POLQ: variants seen among roughly 807,000 people sequenced by gnomAD.
The protein encoded by POLQ is DNA polymerase theta.
POLQ carries 233 observed loss-of-function variants against 259.2 expected under a neutral mutation model. That is an observed-to-expected ratio of 0.90 (90% CI 0.81 to 1.00). The LOEUF is 1.00. Ranked by LOEUF, POLQ falls within the 50% of genes least tolerant of loss-of-function variation. The pLI, the probability that POLQ is intolerant of heterozygous loss-of-function variation, is 0.00. For missense variants in POLQ, 2,871 were observed against 3,051.6 expected (o/e 0.94, Z 1.39); for synonymous variants, 1,025 against 1,048.8 (o/e 0.98, Z 0.44).
At chr3:121,449,145 A>G (rs1340044268) in intron 26 of POLQ, among the ~76,000 whole-genome samples, 170 bp downstream of exon 26, 1 of 152,240 alleles carries the variant, frequency 6.6e-6, no homozygotes, top group Non-Finnish European at 1.5e-5. Context: ...ATGAAATAAG[A>G]TTATTACATC....
intron 5 of POLQ, among the ~76,000 whole-genome samples, chr3:121,535,273 A>C (rs1031067240): frequency 2.0e-5 from 3 of 152,328 alleles, no homozygotes; most frequent in Non-Finnish European, 4.4e-5. Context: ...GTGCCTAAAA[A>C]TTCCCAGACA....
rs1017395608 is a variant in POLQ, at chr3:121,539,571, C to T, written c.493G>A (p.Gly165Arg). 3 of 1,612,594 alleles carry T rather than the reference C, an allele frequency of 1.9e-6. No homozygotes were observed. In the African/African-American group the frequency reaches 4.0e-5, roughly 22 times the overall value. Residue 165 changes from glycine to arginine, a missense_variant, in exon 4 of 30, where the codon GGA (glycine) becomes AGA (arginine). By Grantham distance (125) the Gly-to-Arg change is moderately radical. This residue lies in a region of POLQ where 783 missense variants were observed against 906.2 expected (regional missense o/e 0.86). Transcript: ENST00000264233. Reference sequence around the variant, plus strand: ...CCCATATAACCGTCTACTTTTATTCCTACTTCCTGAAACAGACTCTGAATT... The same window carrying T: ...CCCATATAACCGTCTACTTTTATTCTTACTTCCTGAAACAGACTCTGAATT... ...YYLQSLFQEV[G>R]IKVDGYMGST...
At chr3:121,447,573 A>G (rs771057495) in intron 26 of POLQ, among the ~76,000 whole-genome samples, 5 of 152,290 alleles carry the variant, frequency 3.3e-5, no homozygotes, top group Admixed American at 1.3e-4. Flanking sequence ...ATTTAAGATA[A>G]TAGTTTATAT....
At chr3:121,436,707 T>C (rs2047547010) in intron 27 of POLQ, among the ~76,000 whole-genome samples, 1 of 152,066 alleles carries the variant, frequency 6.6e-6, no homozygotes, top group Admixed American at 6.6e-5. Flanking sequence ...TCTATACCAA[T>C]GGCCTCTTGG....
chr3:121,523,645 G>A (rs2048353571), intron 7 of POLQ, among the ~76,000 whole-genome samples: 1 of 152,084 alleles, frequency 6.6e-6, no homozygotes, highest in South Asian at 2.1e-4. Flanking sequence ...AGCCCATGAG[G>A]TAGAGATTAC....
At position 121,467,972 on chromosome 3, in the gene POLQ, G is replaced by A. The variant is rs576726808; in HGVS notation, c.6846-332C>T. Among the ~76,000 whole-genome samples the A allele has an allele frequency of 5.9e-5, 9 of 152,294 alleles. No homozygotes were observed. In the South Asian group the frequency reaches 1.9e-3, roughly 32 times the overall value. On this transcript the variant is annotated intron_variant, in intron 23 of 29. Transcript: ENST00000264233. Reference sequence around the variant, plus strand: ...TGCTCGAGCCCAGGAGGTGGAGGTTGCAGTAAGCTGAGATCGCACCACTGC... The same window carrying A: ...TGCTCGAGCCCAGGAGGTGGAGGTTACAGTAAGCTGAGATCGCACCACTGC...
intron 13 of POLQ, among the ~76,000 whole-genome samples, chr3:121,497,355 T>C (rs1560100267): frequency 6.6e-6 from 1 of 152,192 alleles, no homozygotes; most frequent in Non-Finnish European, 1.5e-5. Flanking sequence ...TCCAAGTATA[T>C]AAATCCAAGT....
chr3:121,473,182 C>T (rs2047899252), intron 21 of POLQ, among the ~76,000 whole-genome samples, 168 bp downstream of exon 21: 1 of 152,252 alleles, frequency 6.6e-6, no homozygotes, highest in Non-Finnish European at 1.5e-5. Flanking sequence ...GCTGGAATAT[C>T]TCCACAGAAT....
chr3:121,482,439 G>A (rs1341783747), intron 18 of POLQ, among the ~76,000 whole-genome samples: 1 of 151,300 alleles, frequency 6.6e-6, no homozygotes, highest in African/African-American at 2.4e-5. Flanking sequence ...AGAATCGCTT[G>A]AACCTGGGAG....
At position 121,488,508 on chromosome 3, in the gene POLQ, A is replaced by C; in HGVS notation, c.4423T>G (p.Cys1475Gly). 1 of 1,609,662 alleles carries C rather than the reference A, an allele frequency of 6.2e-7. No individual in the cohort carries two copies. Among genetic ancestry groups the C allele is most frequent in the Non-Finnish European group, 8.5e-7 (1 of 1,178,398 alleles). Residue 1475 changes from cysteine (C) to glycine (G), a missense_variant, in exon 16 of 30, where the codon TGT (cysteine) becomes GGT (glycine). Physicochemically the swap from Cys to Gly is radical, Grantham distance 159. Transcript: ENST00000264233. ...KRTPTGVEGE[C>G]LPVPETSLNM... ...AAACTTGTTTCAGGAACTGGAAGAC[A>C]TTCTCCTTCTACACCAGTGGGAGTT... is the stretch of plus-strand genomic sequence containing the variant.
At chr3:121,435,463 T>C (rs2047536384) in intron 28 of POLQ, among the ~76,000 whole-genome samples, 1 of 152,242 alleles carries the variant, frequency 6.6e-6, no homozygotes, top group South Asian at 2.1e-4. Context: ...AAGTATGGTC[T>C]GAAGACCACA....
At chr3:121,471,914 A>G in intron 22 of POLQ, 76 bp downstream of exon 22, 2 of 773,840 alleles carry the variant, frequency 2.6e-6, no homozygotes, top group Non-Finnish European at 3.9e-6. Flanking sequence ...ATTCTTGGCC[A>G]TCATAAAAAA....
chr3:121,524,529 C>T (rs970729731), intron 7 of POLQ, among the ~76,000 whole-genome samples: 2 of 151,732 alleles, frequency 1.3e-5, no homozygotes, highest in African/African-American at 4.8e-5. Context: ...ACTAGATCAC[C>T]ATCTGGCAAC....
chr3:121,532,821 C>G (rs2048421104), intron 6 of POLQ, among the ~76,000 whole-genome samples, 169 bp downstream of exon 6: 1 of 152,194 alleles, frequency 6.6e-6, no homozygotes, highest in Admixed American at 6.5e-5. Flanking sequence ...ACGTCAGCCA[C>G]CACACCCAGC....
intron 12 of POLQ, among the ~76,000 whole-genome samples, chr3:121,499,320 C>A (rs2048148154): frequency 6.8e-6 from 1 of 146,444 alleles, no homozygotes; most frequent in African/African-American, 2.5e-5. Context: ...AGGCTGGGAT[C>A]TAGTTCACTG....
chr3:121,500,741 ACATACAAAGGCATC>A (rs1256546607), intron 12 of POLQ, among the ~76,000 whole-genome samples: 1 of 152,228 alleles, frequency 6.6e-6, no homozygotes, highest in Middle Eastern at 3.2e-3. Flanking sequence ...CAAGCAGGAT[ACATACAAAGGCATC>A]CATACAAAGA....
At chr3:121,513,293 A>G (rs1184450428) in intron 9 of POLQ, among the ~76,000 whole-genome samples, 1 of 152,152 alleles carries the variant, frequency 6.6e-6, no homozygotes, top group East Asian at 1.9e-4. Flanking sequence ...AAATGATTAT[A>G]AAGATAGGCA....
At chr3:121,482,870 T>C (rs1361531095) in intron 18 of POLQ, among the ~76,000 whole-genome samples, 1 of 152,218 alleles carries the variant, frequency 6.6e-6, no homozygotes, top group Non-Finnish European at 1.5e-5. Context: ...AACATGTTTC[T>C]TAACTGAGTC....
chr3:121,545,789 C>CT lies in POLQ; in HGVS notation c.88dup (p.Ser30LysfsTer34), dbSNP rs762229609. ...CACGGACCCGGAGAGGAACTGGGGGCTGGCACTGCTGTCACCGCCGCTTCC... is the reference window on the plus strand; with the variant it reads ...CACGGACCCGGAGAGGAACTGGGGGCTTGGCACTGCTGTCACCGCCGCTTCC... On this transcript the variant is annotated frameshift_variant, in exon 1 of 30. Transcript: ENST00000264233. LOFTEE classifies it high-confidence loss of function. 33 of 1,611,060 alleles carry CT rather than the reference C, an allele frequency of 2.0e-5. No individual in the cohort carries two copies. In the African/African-American group the frequency reaches 4.1e-4, roughly 20 times the overall value.
Sources: allele counts gnomAD v4.1 joint callset (sites outside exome capture counted in the v4.1 genomes callset), GRCh38; gene constraint gnomAD v4.1.1; regional missense constraint gnomAD v4.1.1; transcripts MANE v1.5; gene names NCBI Gene and HGNC (gene_info 2026-07-23, HGNC 2026-07-21).